Variants in AGO1 observed in about 807,000 individuals in gnomAD.
AGO1 encodes the protein protein argonaute-1.
A neutral mutation model predicts 109.2 loss-of-function variants in AGO1; 11 were observed. The ratio of observed to expected loss-of-function variants is 0.10; its 90% CI spans 0.06 to 0.17. AGO1 has a LOEUF of 0.17. Ranked by LOEUF, AGO1 falls within the 10% of genes least tolerant of loss-of-function variation. The pLI is 1.00. For missense variants in AGO1, 574 were observed against 1,140.3 expected, an observed-to-expected ratio of 0.50 and a Z score of 7.15; for synonymous variants, 422 against 418.6, an observed-to-expected ratio of 1.01 and a Z score of -0.10.
At chr1:35,882,864 G>T, upstream of AGO1, 1 of 985,426 alleles carries the variant, frequency 1.0e-6, no homozygotes, top group Non-Finnish European at 1.2e-6. The surrounding 1 kb of genome is among the most constrained non-coding windows in gnomAD (Gnocchi z 5.1). Context: ...GGAGTGCCAG[G>T]GGGTCTGGGA....
At chr1:35,892,019 A>G (rs925708749) in intron 2 of AGO1, among the ~76,000 whole-genome samples, 5 of 152,232 alleles carry the variant, frequency 3.3e-5, no homozygotes, top group African/African-American at 1.2e-4. Flanking sequence ...CTGGGATTAT[A>G]GGCACATGCC....
rs1224575972 is a variant in AGO1, at chr1:35,921,538, C to G, written c.*1931C>G. 1 of 152,608 alleles carries G rather than the reference C, an allele frequency of 6.6e-6. No individual in the cohort carries two copies. Among genetic ancestry groups the G allele is most frequent in the East Asian group, 1.9e-4 (1 of 5,202 alleles). The allele number at this position is 152,608 out of a possible 1,614,324, so 9.5% of individuals were successfully genotyped here. On this transcript the variant is annotated 3_prime_UTR_variant, in exon 19 of 19. Coordinates refer to ENST00000373204, the MANE Select transcript of AGO1 (RefSeq NM_012199.5). ...GTGATGAAGCCATGATTACTTTAGACCTAGCCCAGGCTTGGAGGCCAGCTG... is the reference window on the plus strand; with the variant it reads ...GTGATGAAGCCATGATTACTTTAGAGCTAGCCCAGGCTTGGAGGCCAGCTG...
chr1:35,901,446 G>T lies in AGO1; in HGVS notation c.1021-28G>T. ...TACAGGGTGGACTGTACTCAAGCCA[G>T]AGCTACCTGTCCTTCTTGTTTCCTC... On this transcript the variant is annotated intron_variant, in intron 8 of 18. Transcript: ENST00000373204. The surrounding 1 kb of genome is among the most constrained non-coding windows in gnomAD (Gnocchi z 4.8). 2 of 1,613,760 alleles carry T rather than the reference G, an allele frequency of 1.2e-6. No individual in the cohort carries two copies. Among genetic ancestry groups the T allele is most frequent in the South Asian group, 2.2e-5 (2 of 90,924 alleles).
intron 2 of AGO1, among the ~76,000 whole-genome samples, chr1:35,889,561 A>G (rs1278563687): frequency 1.3e-5 from 2 of 151,992 alleles, no homozygotes; most frequent in Non-Finnish European, 2.9e-5. Context: ...TATATGTATA[A>G]TATTAAAAAA....
chr1:35,919,302 GC>G lies in AGO1; in HGVS notation c.2465+50del, dbSNP rs1251963466. On this transcript the variant is annotated intron_variant, in intron 18 of 18. Coordinates refer to ENST00000373204, the MANE Select transcript of AGO1 (RefSeq NM_012199.5). The surrounding 1 kb of genome is among the most constrained non-coding windows in gnomAD (Gnocchi z 6.6). The stretch of plus-strand genomic sequence containing the variant: ...CCTCCTTTTTGCTTCAGCCTATTGT[GC>G]CAGATCTTCTTAACTTTCCTTGGGT... 9.5e-6 allele frequency: 15 copies of G among 1,576,574 alleles called. No homozygotes were observed. The highest frequency in any genetic ancestry group is 1.2e-5 in the Non-Finnish European group (14 of 1,159,292).
Position 35,926,199 on chromosome 1 carries a change from T to C in AGO1, c.*6592T>C, listed in dbSNP as rs1645923894. 6.6e-6 allele frequency: 1 copy of C among 152,200 alleles called. No homozygotes were observed. Among genetic ancestry groups the C allele is most frequent in the African/African-American group, 2.4e-5 (1 of 41,448 alleles). The allele number at this position is 152,200 out of a possible 1,614,324, so 9.4% of individuals were successfully genotyped here. On this transcript the variant is annotated 3_prime_UTR_variant, in exon 19 of 19. Coordinates refer to ENST00000373204, the MANE Select transcript of AGO1 (RefSeq NM_012199.5). ...TTATGGCAAATTTTGCTATAAACTT[T>C]AGTTTTAGAAAAGATTGATATTGAA...
At chr1:35,886,714 T>G (rs1645126545) in intron 1 of AGO1, among the ~76,000 whole-genome samples, 1 of 152,170 alleles carries the variant, frequency 6.6e-6, no homozygotes, top group Non-Finnish European at 1.5e-5. Flanking sequence ...TATAATTGTT[T>G]CTGGGCAATT....
rs1312064304 is a variant in AGO1, at chr1:35,929,892, T to G, written c.*10285T>G. The G allele has an allele frequency of 1.3e-5, 2 of 152,188 alleles. No individual in the cohort carries two copies. The highest frequency in any genetic ancestry group is 4.8e-5 in the African/African-American group (2 of 41,440). 9.4% of individuals were successfully genotyped at this position (152,188 alleles called of 1,614,324 possible). On this transcript the variant is annotated 3_prime_UTR_variant, in exon 19 of 19. Transcript: ENST00000373204. ...AGGTACATGCTGTTCTCTCAATTTT[T>G]CAGATAAGAAAATTGAAGCCCAGAG... is the stretch of plus-strand genomic sequence containing the variant.
In AGO1 at chr1:35,903,410, G is replaced by A. The variant is rs371246525; in HGVS notation, c.1397+1073G>A. 1.2e-4 allele frequency among the ~76,000 whole-genome samples: 18 copies of A among 151,860 alleles called. No homozygotes were observed. In the East Asian group the frequency reaches 1.6e-3, roughly 13 times the overall value. On this transcript the variant is annotated intron_variant, in intron 11 of 18. Transcript: ENST00000373204. ...AGTTAGTTGGTTACTGCCATCTTTC[G>A]AAGTGGTTGCTTTTCATATTCTCTG...
Position 35,919,232 on chromosome 1 carries a change from C to T in AGO1, c.2443C>T (p.Leu815=), listed in dbSNP as rs776181658. 1 of 1,613,986 alleles carries T rather than the reference C, an allele frequency of 6.2e-7. No individual in the cohort carries two copies. The highest frequency in any genetic ancestry group is 2.2e-5 in the East Asian group (1 of 44,876). Residue 815 remains leucine, a synonymous_variant, in exon 18 of 19, where the codon CTG becomes TTG. Coordinates refer to ENST00000373204, the MANE Select transcript of AGO1 (RefSeq NM_012199.5). This position sits in a 1 kb window ranked among gnomAD's most constrained non-coding sequence, Gnocchi z 6.6. ...GGTGGCTTTCCGGGCACGATACCAC[C>T]TGGTGGACAAGGAGCATGACAGGTG... is the stretch of plus-strand genomic sequence containing the variant. ...RLVAFRARYH[L]VDKEHDSGEG... is the part of the protein sequence containing the mutation.
chr1:35,900,755 C>T (rs1054253126), intron 8 of AGO1, among the ~76,000 whole-genome samples: 1 of 151,104 alleles, frequency 6.6e-6, no homozygotes, highest in Admixed American at 6.6e-5. Context: ...TACATAAGTA[C>T]AAAAATTAGC....
At chr1:35,889,495 A>G (rs913153240) in intron 2 of AGO1, among the ~76,000 whole-genome samples, 2 of 151,930 alleles carry the variant, frequency 1.3e-5, no homozygotes, top group African/African-American at 4.8e-5. Flanking sequence ...TACAGGCGTG[A>G]GCCACCGTGC....
upstream of AGO1, among the ~76,000 whole-genome samples, chr1:35,880,784 C>T (rs1044814602): frequency 3.9e-5 from 6 of 151,974 alleles, no homozygotes; most frequent in South Asian, 2.1e-4. Context: ...CTCAGCCTCC[C>T]GAGGAGCTGG....
At chr1:35,914,152 C>T (rs1645691957) in intron 13 of AGO1, 32 bp from the exon 14 acceptor site, 2 of 1,608,428 alleles carry the variant, frequency 1.2e-6, no homozygotes, top group Non-Finnish European at 1.7e-6. Flanking sequence ...AGACCCAGCG[C>T]CTCACCATTT....
intron 11 of AGO1, among the ~76,000 whole-genome samples, chr1:35,904,175 G>A (rs554190915): frequency 4.3e-5 from 6 of 141,168 alleles, no homozygotes; most frequent in Non-Finnish European, 6.0e-5. Flanking sequence ...GCGCCATCTC[G>A]GCTCACTGCA....
At chr1:35,915,258 GT>G in intron 14 of AGO1, 89 bp from the exon 15 acceptor site, 2 of 1,184,168 alleles carry the variant, frequency 1.7e-6, no homozygotes, top group South Asian at 2.8e-5. Context: ...TTCAGTTGTA[GT>G]TTTCTTGCTA....
chr1:35,908,180 C>T (rs546146983), intron 12 of AGO1, among the ~76,000 whole-genome samples: 2 of 152,306 alleles, frequency 1.3e-5, no homozygotes, highest in Non-Finnish European at 2.9e-5. Flanking sequence ...ATTCTTTAGC[C>T]TCTTTCAGCC....
intron 3 of AGO1, 133 bp from the exon 4 acceptor site, chr1:35,892,964 C>T (rs959006250): frequency 9.0e-6 from 9 of 1,001,028 alleles, no homozygotes; most frequent in Non-Finnish European, 8.7e-6. Flanking sequence ...ACCTAAGGGG[C>T]TAGACTTACT....
In AGO1 at chr1:35,919,876, G is replaced by A; in HGVS notation, c.*269G>A. On this transcript the variant is annotated 3_prime_UTR_variant, in exon 19 of 19. Coordinates refer to ENST00000373204, the MANE Select transcript of AGO1 (RefSeq NM_012199.5). The surrounding 1 kb of genome is among the most constrained non-coding windows in gnomAD (Gnocchi z 6.6). The stretch of plus-strand genomic sequence containing the variant: ...CCCTGACCCCACTGGACCAAAAGGG[G>A]CAGCACTGGTGCCCACCATACACAC... 2.2e-6 allele frequency: 1 copy of A among 450,590 alleles called. No individual in the cohort carries two copies. Among genetic ancestry groups the A allele is most frequent in the South Asian group, 3.4e-5 (1 of 29,750 alleles). 27.9% of individuals were successfully genotyped at this position (450,590 alleles called of 1,614,324 possible). A position where few individuals can be genotyped will look rare whatever the true frequency, so the allele number is the denominator to read the frequency against.
Sources: allele counts gnomAD v4.1 joint callset (sites outside exome capture counted in the v4.1 genomes callset), GRCh38; gene constraint gnomAD v4.1.1; non-coding constraint Gnocchi (gnomAD v3.1); transcripts MANE v1.5; gene names NCBI Gene and HGNC (gene_info 2026-07-23, HGNC 2026-07-21).